The following EIF2B3 variants were observed in gnomAD, a reference collection of about 807,000 sequenced individuals.
EIF2B3 encodes eukaryotic translation initiation factor 2B subunit gamma, also known as translation initiation factor eIF2B subunit gamma.
Under a neutral mutation model 54.1 loss-of-function variants are expected in EIF2B3, and 20 were observed. The ratio of observed to expected loss-of-function variants is 0.37; its 90% CI spans 0.26 to 0.54. The LOEUF (loss-of-function observed/expected upper bound fraction) is 0.54. Ranked by LOEUF, EIF2B3 falls within the 20% of genes least tolerant of loss-of-function variation. The pLI is 0.86. For missense variants in EIF2B3, 448 were observed against 547.8 expected (o/e 0.82, Z 1.82); for synonymous variants, 153 against 188.1 (o/e 0.81, Z 1.52).
At chr1:44,859,817 C>T (rs534891278) in intron 10 of EIF2B3, among the ~76,000 whole-genome samples, 114 of 152,092 alleles carry the variant, frequency 7.5e-4, no homozygotes, top group Non-Finnish European at 1.3e-3. Context: ...AGTGCAATGG[C>T]GTGATCTCAG....
At chr1:44,976,415 T>C (rs573850324) in intron 3 of EIF2B3, among the ~76,000 whole-genome samples, 66 of 152,276 alleles carry the variant, frequency 4.3e-4, no homozygotes, top group Admixed American at 1.3e-3. Flanking sequence ...CATACATACC[T>C]ACTAGAATGG....
At chr1:44,894,093 T>G (rs1655888790) in intron 6 of EIF2B3, among the ~76,000 whole-genome samples, 1 of 152,014 alleles carries the variant, frequency 6.6e-6, no homozygotes, top group Non-Finnish European at 1.5e-5. Context: ...TCCTAAGAGA[T>G]CAGCTTCTTT....
intron 6 of EIF2B3, among the ~76,000 whole-genome samples, chr1:44,882,917 T>G (rs1042194248): frequency 2.1e-5 from 3 of 146,072 alleles, no homozygotes; most frequent in African/African-American, 7.6e-5. Flanking sequence ...GCCTGACTTT[T>G]TTTTCTTTTT....
At chr1:44,914,378 C>T (rs1264016545) in intron 5 of EIF2B3, among the ~76,000 whole-genome samples, 1 of 152,036 alleles carries the variant, frequency 6.6e-6, no homozygotes, top group Non-Finnish European at 1.5e-5. Context: ...CCAGGCTGGT[C>T]TCAAATTCCT....
intron 4 of EIF2B3, among the ~76,000 whole-genome samples, chr1:44,936,219 AT>A (rs953285339): frequency 2.6e-5 from 4 of 151,260 alleles, no homozygotes; most frequent in Admixed American, 1.3e-4. Context: ...TGAGAAAAAA[AT>A]TTTTTTTTCA....
intron 4 of EIF2B3, 71 bp from the exon 5 acceptor site, chr1:44,926,810 C>A: frequency 1.6e-6 from 2 of 1,255,118 alleles, no homozygotes; most frequent in South Asian, 2.4e-5. Flanking sequence ...CACCAGGGAA[C>A]ACAGTATCTG....
Position 44,877,192 on chromosome 1 carries a change from T to TTAAAAAAAAAAAA in EIF2B3, c.976-1498_976-1497insTTTTTTTTTTTTA, listed in dbSNP as rs1553169362. ...GCGAGAAACACCCAAGAATGATCAA[T>TTAAAAAAAAAAAA]AAAAAAAAAAAAAAAAAAAAAAAAA... On this transcript the variant is annotated intron_variant, in intron 8 of 11. Transcript: ENST00000360403. 2.3e-4 allele frequency among the ~76,000 whole-genome samples: 12 copies of TTAAAAAAAAAAAA among 52,078 alleles called. 1 individual carries two copies. Among genetic ancestry groups the TTAAAAAAAAAAAA allele is most frequent in the East Asian group, 4.7e-4 (1 of 2,108 alleles). 34.2% of individuals were successfully genotyped at this position (52,078 alleles called of 152,430 possible). A position where few individuals can be genotyped will look rare whatever the true frequency, so the allele number is the denominator to read the frequency against.
At chr1:44,890,859 C>G (rs1320415166) in intron 6 of EIF2B3, among the ~76,000 whole-genome samples, 1 of 152,100 alleles carries the variant, frequency 6.6e-6, no homozygotes, top group African/African-American at 2.4e-5. Context: ...CACAAAACAG[C>G]CTGACTTCTT....
chr1:44,947,174 G>A (rs1041710875), intron 3 of EIF2B3, among the ~76,000 whole-genome samples: 5 of 152,140 alleles, frequency 3.3e-5, no homozygotes, highest in African/African-American at 9.7e-5. Context: ...CTCTAGAGAA[G>A]CCAGGGCAAT....
At chr1:44,937,133 C>T (rs1643956771) in intron 4 of EIF2B3, 1 of 152,144 alleles carries the variant, frequency 6.6e-6, no homozygotes, top group African/African-American at 2.4e-5. Context: ...TCTGCTAGAT[C>T]CATATTGCTA....
At chr1:44,946,850 G>A (rs1235158928) in intron 3 of EIF2B3, among the ~76,000 whole-genome samples, 4 of 152,024 alleles carry the variant, frequency 2.6e-5, no homozygotes, top group Non-Finnish European at 5.9e-5. Flanking sequence ...AATGCAAATG[G>A]CTTTCTAGTA....
intron 5 of EIF2B3, among the ~76,000 whole-genome samples, chr1:44,901,616 T>A (rs1157903806): frequency 6.8e-6 from 1 of 147,028 alleles, no homozygotes; most frequent in Non-Finnish European, 1.5e-5. Context: ...TGGAGTGCTG[T>A]GGCGTGATCA....
intron 3 of EIF2B3, among the ~76,000 whole-genome samples, chr1:44,976,733 T>C (rs892044719): frequency 1.3e-5 from 2 of 152,212 alleles, no homozygotes; most frequent in South Asian, 2.1e-4. Context: ...AGGAACAGAT[T>C]AGTTATACTT....
chr1:44,932,689 G>T (rs1423045532), intron 4 of EIF2B3, among the ~76,000 whole-genome samples: 1 of 152,054 alleles, frequency 6.6e-6, no homozygotes, highest in Non-Finnish European at 1.5e-5. Context: ...AAAGAATCAA[G>T]AATCAGAATG....
At chr1:44,951,093 C>T (rs144887982) in intron 3 of EIF2B3, among the ~76,000 whole-genome samples, 122 of 152,296 alleles carry the variant, frequency 8.0e-4, no homozygotes, top group African/African-American at 2.8e-3. Flanking sequence ...ACTCCATGAC[C>T]TCATCACGTT....
intron 6 of EIF2B3, among the ~76,000 whole-genome samples, chr1:44,885,272 T>G (rs182615149): frequency 1.3e-5 from 2 of 152,266 alleles, no homozygotes; most frequent in Admixed American, 1.3e-4. Context: ...ATAATTGCTA[T>G]GAATAGGGCA....
intron 2 of EIF2B3, among the ~76,000 whole-genome samples, chr1:44,979,073 G>A (rs1326614767): frequency 6.6e-6 from 1 of 151,570 alleles, no homozygotes; most frequent in Non-Finnish European, 1.5e-5. Flanking sequence ...GATCACTTGA[G>A]CCCTGGAGTT....
At chr1:44,880,280 C>T (rs1156637992) in intron 7 of EIF2B3, among the ~76,000 whole-genome samples, 2 of 152,098 alleles carry the variant, frequency 1.3e-5, no homozygotes. Context: ...AAACATGAAC[C>T]CTGAGGAAAT....
chr1:44,913,965 T>C (rs1643569738), intron 5 of EIF2B3, among the ~76,000 whole-genome samples: 1 of 150,104 alleles, frequency 6.7e-6, no homozygotes, highest in South Asian at 2.1e-4. Context: ...TAGCTGGGAC[T>C]ACAGGCACGC....
Sources: gnomAD v4.1 joint callset for allele counts (sites outside exome capture counted in the v4.1 genomes callset) on GRCh38, gnomAD v4.1.1 for gene constraint, MANE v1.5 for transcripts, NCBI Gene and HGNC (gene_info 2026-07-23, HGNC 2026-07-21) for gene names.